Variants in MIA3 observed in about 807,000 individuals in gnomAD.
MIA3 encodes the protein MIA SH3 domain ER export factor 3, also known as transport and Golgi organization protein 1 homolog.
In MIA3, 90 loss-of-function variants were observed where a neutral mutation model predicts 192.4. The ratio of observed to expected loss-of-function variants is 0.47; its 90% confidence interval spans 0.39 to 0.56. MIA3 has a LOEUF of 0.56. Ranked by LOEUF, MIA3 falls within the 20% of genes least tolerant of loss-of-function variation. The probability of loss-of-function intolerance (pLI) is 0.00; values close to 1 mark genes in which losing one functional copy is unlikely to be tolerated. For synonymous variants in MIA3, 740 were observed against 792.8 expected (o/e 0.93, Z 1.12); for missense variants, 2,123 against 2,269.4 (o/e 0.94, Z 1.31).
chr1:222,652,346 C>T lies in MIA3; in HGVS notation c.4086+14C>T, dbSNP rs530757611. ...AAAAAAGAGCAGGTAAAGGAAAGTG[C>T]GTGTCCCAGGTCATGTAAAATAGAG... On this transcript the variant is annotated intron_variant, in intron 13 of 27. Coordinates refer to ENST00000344922, the MANE Select transcript of MIA3 (RefSeq NM_198551.4). The T allele has an allele frequency of 1.2e-5, 18 of 1,539,980 alleles. No homozygotes were observed. The highest frequency in any genetic ancestry group is 1.0e-4 in the Admixed American group (6 of 59,816).
intron 18 of MIA3, among the ~76,000 whole-genome samples, chr1:222,657,540 C>CT (rs1663796097): frequency 6.6e-6 from 1 of 152,272 alleles, no homozygotes; most frequent in East Asian, 1.9e-4. Context: ...CGAGCACATT[C>CT]TTTCTATTTT....
chr1:222,638,726 A>G (rs752932029), intron 6 of MIA3, among the ~76,000 whole-genome samples: 26 of 152,048 alleles, frequency 1.7e-4, no homozygotes, highest in Non-Finnish European at 3.1e-4. Flanking sequence ...AAGACAAGAA[A>G]ATGAAAACAA....
intron 19 of MIA3, 38 bp from the exon 20 acceptor site, chr1:222,659,415 G>A (rs1663893805): frequency 6.3e-7 from 1 of 1,589,450 alleles, no homozygotes; most frequent in Non-Finnish European, 8.6e-7. Flanking sequence ...TTTTTATTCA[G>A]TTGTGCTTTA....
intron 24 of MIA3, chr1:222,661,354 T>C (rs1030825753): frequency 3.9e-5 from 6 of 152,400 alleles, no homozygotes; most frequent in African/African-American, 1.4e-4. Flanking sequence ...CATGTACACG[T>C]ACAGTACAAA....
chr1:222,641,251 T>G (rs1662840709), intron 6 of MIA3, among the ~76,000 whole-genome samples: 1 of 152,238 alleles, frequency 6.6e-6, no homozygotes, highest in South Asian at 2.1e-4. Flanking sequence ...TGAAAATAAA[T>G]TATACATGCA....
In MIA3 at chr1:222,659,780, A is replaced by C; in HGVS notation, c.4853A>C (p.Glu1618Ala). Residue 1618 changes from glutamate to alanine, a missense_variant, in exon 22 of 28, where the codon GAA (glutamate) becomes GCA (alanine). Coordinates refer to ENST00000344922, the MANE Select transcript of MIA3 (RefSeq NM_198551.4). ...AGAGCTATAGCTGAAGAGAAAAGGG[A>C]AGCTGCCAATTTGAGACACAAGTAT... ...AERAIAEEKREAANLRHKLLE... is the reference protein window; with the variant it reads ...AERAIAEEKRAAANLRHKLLE... 6.2e-7 allele frequency: 1 copy of C among 1,614,148 alleles called. No individual in the cohort carries two copies. The highest frequency in any genetic ancestry group is 1.1e-5 in the South Asian group (1 of 91,076).
intron 3 of MIA3, 53 bp downstream of exon 3, chr1:222,624,907 C>G: frequency 1.0e-6 from 1 of 989,828 alleles, no homozygotes; most frequent in Admixed American, 2.2e-5. Context: ...TTATAAGTGA[C>G]TACCTAGAAA....
chr1:222,663,975 C>G, intron 26 of MIA3, 23 bp from the exon 27 acceptor site: 6 of 1,592,326 alleles, frequency 3.8e-6, no homozygotes, highest in Non-Finnish European at 4.3e-6. Flanking sequence ...TATTTCAAAA[C>G]TTCAATTGTT....
At chr1:222,644,150 G>A (rs1663002333) in intron 6 of MIA3, among the ~76,000 whole-genome samples, 4 of 152,220 alleles carry the variant, frequency 2.6e-5, no homozygotes, top group Admixed American at 2.6e-4. Flanking sequence ...GAAAGCGCCA[G>A]TCACTTCCGC....
Position 222,666,187 on chromosome 1 carries a change from G to T in MIA3, c.*568G>T, listed in dbSNP as rs957317778. The T allele has an allele frequency of 5.3e-5, 8 of 152,190 alleles. No homozygotes were observed. The highest frequency in any genetic ancestry group is 1.9e-4 in the African/African-American group (8 of 41,430). The allele number at this position is 152,190 out of a possible 1,614,324, so 9.4% of individuals were successfully genotyped here. ...GACTCATTGGACTGTTATGAGGCTT[G>T]TGCCATTTGGGGAACATGTAAACTC... is the stretch of plus-strand genomic sequence containing the variant. On this transcript the variant is annotated 3_prime_UTR_variant, in exon 28 of 28. Transcript: ENST00000344922.
At chr1:222,647,926 T>C in intron 7 of MIA3, 1 of 385,774 alleles carries the variant, frequency 2.6e-6, no homozygotes, top group Non-Finnish European at 5.4e-6. Context: ...AGTATATTAA[T>C]TATTGTATAC....
chr1:222,638,373 A>C (rs1426522561), intron 6 of MIA3, among the ~76,000 whole-genome samples: 1 of 152,220 alleles, frequency 6.6e-6, no homozygotes, highest in Non-Finnish European at 1.5e-5. Context: ...ATGAGTTTAA[A>C]AGGAAAAGGA....
At position 222,661,705 on chromosome 1, in the gene MIA3, T is replaced by C. The variant is rs1339774211; in HGVS notation, c.5114-351T>C. Among the ~76,000 whole-genome samples, 4 of 152,324 alleles carry C rather than the reference T, an allele frequency of 2.6e-5. No homozygotes were observed. In the East Asian group the frequency reaches 7.7e-4, roughly 29 times the overall value. ...ATTACTATATAGTATGAAACGCTGT[T>C]GAGTCTATTTTGAATCCTAAATATG... On this transcript the variant is annotated intron_variant, in intron 24 of 27. Transcript: ENST00000344922.
Position 222,624,604 on chromosome 1 carries a change from G to A in MIA3, c.268-164G>A, listed in dbSNP as rs550359389. Among the ~76,000 whole-genome samples, 7 of 152,308 alleles carry A rather than the reference G, an allele frequency of 4.6e-5. No individual in the cohort carries two copies. The South Asian group carries it at 1.5e-3, about 32-fold the overall frequency. On this transcript the variant is annotated intron_variant, in intron 2 of 27. Transcript: ENST00000344922. Reference sequence around the variant, plus strand: ...CTGGGACCCATACAAAGTGTCACTAGTGATGTTGGAAGTGGTCTCAAATAG... The same window carrying A: ...CTGGGACCCATACAAAGTGTCACTAATGATGTTGGAAGTGGTCTCAAATAG...
intron 26 of MIA3, chr1:222,662,628 G>A (rs943390366): frequency 5.9e-6 from 3 of 506,740 alleles, no homozygotes; most frequent in Middle Eastern, 7.3e-4. Flanking sequence ...GAAATCTGAC[G>A]GATTCATTGG....
At chr1:222,622,519 G>A (rs1411071054) in intron 2 of MIA3, among the ~76,000 whole-genome samples, 1 of 152,162 alleles carries the variant, frequency 6.6e-6, no homozygotes, top group Non-Finnish European at 1.5e-5. Context: ...GACTGATTTT[G>A]TTGGCATTCC....
chr1:222,666,892 A>C lies in MIA3; in HGVS notation c.*1273A>C, dbSNP rs913114965. The C allele has an allele frequency of 5.9e-5, 9 of 152,178 alleles. No individual in the cohort carries two copies. In the South Asian group the frequency reaches 1.9e-3, roughly 31 times the overall value. The allele number at this position is 152,178 out of a possible 1,614,324, so 9.4% of individuals were successfully genotyped here. On this transcript the variant is annotated 3_prime_UTR_variant, in exon 28 of 28. Coordinates refer to ENST00000344922, the MANE Select transcript of MIA3 (RefSeq NM_198551.4). ...TCTAAGAACGAACTTCAGACATTTTAATTACAGTAATAATAGCACTCCTTT... is the reference window on the plus strand; with the variant it reads ...TCTAAGAACGAACTTCAGACATTTTCATTACAGTAATAATAGCACTCCTTT...
chr1:222,657,954 T>C (rs1443067927), intron 18 of MIA3, among the ~76,000 whole-genome samples: 1 of 152,258 alleles, frequency 6.6e-6, no homozygotes, highest in Non-Finnish European at 1.5e-5. Context: ...ATCAGAACTA[T>C]GAGTAAAGAA....
chr1:222,665,370 A>T lies in MIA3; in HGVS notation c.5475A>T (p.Arg1825Ser). The T allele has an allele frequency of 1.2e-6, 2 of 1,614,006 alleles. No individual in the cohort carries two copies. Among genetic ancestry groups the T allele is most frequent in the South Asian group, 2.2e-5 (2 of 91,076 alleles). The stretch of plus-strand genomic sequence containing the variant: ...TTGCACCAGGCGTTCCACCAGGAAG[A>T]CGGGACCTGCCTCTCCACCCTCGGG... Reference protein sequence around the residue: ...REFAPGVPPGRRDLPLHPRGF... With the variant: ...REFAPGVPPGSRDLPLHPRGF... The change falls in exon 28 of 28, where the codon AGA becomes AGT. Residue 1825 changes from arginine to serine, a missense_variant. Physicochemically the swap from Arg to Ser is moderately radical, Grantham distance 110. Around this residue, in one of 3 missense-constraint regions of MIA3, gnomAD observed 762 missense variants for 856.4 expected, o/e 0.89. Coordinates refer to ENST00000344922, the MANE Select transcript of MIA3 (RefSeq NM_198551.4).
Sources: gnomAD v4.1 joint callset for allele counts (sites outside exome capture counted in the v4.1 genomes callset) on GRCh38, gnomAD v4.1.1 for gene constraint, gnomAD v4.1.1 regional missense constraint, MANE v1.5 for transcripts, NCBI Gene and HGNC (gene_info 2026-07-23, HGNC 2026-07-21) for gene names.